POLR3G: variants seen among roughly 807,000 people sequenced by gnomAD.
POLR3G encodes DNA-directed RNA polymerase III subunit RPC7.
POLR3G carries 28 observed loss-of-function variants against 30.1 expected under a neutral mutation model. The ratio of observed to expected loss-of-function variants is 0.93; its 90% CI spans 0.69 to 1.27. The LOEUF (loss-of-function observed/expected upper bound fraction) is 1.27, where lower values mean the gene tolerates loss of function less well. POLR3G is among the 50% of genes most tolerant of loss of function. The probability of loss-of-function intolerance (pLI) is 0.00; values close to 1 mark genes in which losing one functional copy is unlikely to be tolerated. For synonymous variants in POLR3G, 79 were observed against 82.5 expected (o/e 0.96, Z 0.23); for missense variants, 254 against 264.6 (o/e 0.96, Z 0.28).
chr5:90,512,235 G>C lies in POLR3G; in HGVS notation c.*96G>C. ...TATTTCTGATAAGGAATAAGTACTTGTTTCTGTTGTTTTGGACAAATAGTT... is the reference window on the plus strand; with the variant it reads ...TATTTCTGATAAGGAATAAGTACTTCTTTCTGTTGTTTTGGACAAATAGTT... On this transcript the variant is annotated 3_prime_UTR_variant, in exon 8 of 8. Transcript: ENST00000651687. 1 of 792,090 alleles carries C rather than the reference G, an allele frequency of 1.3e-6. No homozygotes were observed. Among genetic ancestry groups the C allele is most frequent in the Non-Finnish European group, 2.1e-6 (1 of 477,408 alleles). The allele number at this position is 792,090 out of a possible 1,614,324, so 49.1% of individuals were successfully genotyped here.
intron 1 of POLR3G, among the ~76,000 whole-genome samples, chr5:90,475,988 G>C (rs1188546385): frequency 6.6e-6 from 1 of 152,186 alleles, no homozygotes; most frequent in East Asian, 1.9e-4. Context: ...TGGGATTACA[G>C]GCGTGAGCCA....
intron 6 of POLR3G, 94 bp from the exon 7 acceptor site, chr5:90,506,434 A>G (rs960040119): frequency 6.8e-7 from 1 of 1,465,390 alleles, no homozygotes; most frequent in African/African-American, 1.4e-5. Flanking sequence ...ATGGGAGTAG[A>G]ATAAGGTGAT....
intron 6 of POLR3G, among the ~76,000 whole-genome samples, chr5:90,504,433 G>T (rs1752394311): frequency 6.6e-6 from 1 of 151,898 alleles, no homozygotes; most frequent in Admixed American, 6.6e-5. Flanking sequence ...GTGGTAGCAG[G>T]CGCCTGTAGT....
intron 7 of POLR3G, among the ~76,000 whole-genome samples, 198 bp from the exon 8 acceptor site, chr5:90,511,855 C>A (rs1752751959): frequency 6.6e-6 from 1 of 152,004 alleles, no homozygotes; most frequent in African/African-American, 2.4e-5. Context: ...TATGGGCAAC[C>A]CTTCATGTTC....
At chr5:90,496,050 C>T (rs768262034) in intron 4 of POLR3G, among the ~76,000 whole-genome samples, 1 of 152,018 alleles carries the variant, frequency 6.6e-6, no homozygotes, top group East Asian at 1.9e-4. Flanking sequence ...CGGCTCATTG[C>T]AAGCTCCACC....
chr5:90,480,271 C>T (rs958145754), intron 1 of POLR3G, among the ~76,000 whole-genome samples: 1 of 152,174 alleles, frequency 6.6e-6, no homozygotes, highest in African/African-American at 2.4e-5. Flanking sequence ...CTGTTTCTTT[C>T]ATGATACATT....
At chr5:90,504,298 C>A (rs891168030) in intron 6 of POLR3G, among the ~76,000 whole-genome samples, 1 of 152,110 alleles carries the variant, frequency 6.6e-6, no homozygotes. Flanking sequence ...CCGTGGCTCA[C>A]GCCTGTAATC....
intron 7 of POLR3G, among the ~76,000 whole-genome samples, chr5:90,510,098 G>A (rs899210458): frequency 2.6e-5 from 4 of 152,166 alleles, no homozygotes; most frequent in African/African-American, 9.7e-5. Flanking sequence ...GTTCTAGTTT[G>A]TGTGGTCAAT....
rs149561731 is a variant in POLR3G at position 90,498,145 on chromosome 5, C to G, written c.355+439C>G. On this transcript the variant is annotated intron_variant, in intron 5 of 7. Transcript: ENST00000651687. The stretch of plus-strand genomic sequence containing the variant: ...ACACTGACTCTCTCCCTCTCTCTGT[C>G]CCCCCATGTATGTGTGTGTGTGTGT... Among the ~76,000 whole-genome samples, 18 of 152,018 alleles carry G rather than the reference C, an allele frequency of 1.2e-4. No individual in the cohort carries two copies. The East Asian group carries it at 3.1e-3, about 26-fold the overall frequency.
chr5:90,502,145 C>T, intron 6 of POLR3G, 157 bp downstream of exon 6: 1 of 985,358 alleles, frequency 1.0e-6, no homozygotes, highest in Non-Finnish European at 1.2e-6. Flanking sequence ...AAGGTTTGAA[C>T]TTTGCAGGCT....
chr5:90,494,912 A>G (rs2151908731), intron 3 of POLR3G, among the ~76,000 whole-genome samples: 1 of 152,300 alleles, frequency 6.6e-6, no homozygotes, highest in East Asian at 1.9e-4. Flanking sequence ...AATTATTTAA[A>G]ATATGGAAAC....
At chr5:90,485,327 A>G (rs1217524134) in intron 1 of POLR3G, among the ~76,000 whole-genome samples, 198 bp from the exon 2 acceptor site, 1 of 152,202 alleles carries the variant, frequency 6.6e-6, no homozygotes, top group Non-Finnish European at 1.5e-5. Context: ...GGTTGAAGCC[A>G]TCATTATCTT....
chr5:90,496,116 C>T (rs1417944652), intron 4 of POLR3G, among the ~76,000 whole-genome samples: 3 of 151,870 alleles, frequency 2.0e-5, no homozygotes, highest in Non-Finnish European at 2.9e-5. Context: ...GGACTACAGG[C>T]CCCCGCCACC....
chr5:90,505,515 T>TTGTG (rs1372991303), intron 6 of POLR3G, among the ~76,000 whole-genome samples: 1 of 152,234 alleles, frequency 6.6e-6, no homozygotes, highest in African/African-American at 2.4e-5. Flanking sequence ...TACTATTCCC[T>TTGTG]GATGGTTCCA....
upstream of POLR3G, chr5:90,474,107 G>A (rs1203817432): frequency 6.3e-7 from 1 of 1,577,354 alleles, no homozygotes; most frequent in Non-Finnish European, 8.6e-7. Flanking sequence ...GGTCCTGCAA[G>A]AGGCCGGAGG....
chr5:90,506,106 G>A (rs566974426), intron 6 of POLR3G, among the ~76,000 whole-genome samples: 1 of 152,168 alleles, frequency 6.6e-6, no homozygotes, highest in South Asian at 2.1e-4. Flanking sequence ...GTATGCACCT[G>A]TAGTCCCAGC....
chr5:90,485,661 T>A lies in POLR3G; in HGVS notation c.94T>A (p.Leu32Met). Residue 32 changes from leucine to methionine, a missense_variant, in exon 2 of 8, where the codon TTG (leucine) becomes ATG (methionine). Physicochemically the swap from Leu to Met is conservative, Grantham distance 15 (BLOSUM62 2). Coordinates refer to ENST00000651687, the MANE Select transcript of POLR3G (RefSeq NM_006467.3). ...SKGEKLPDVV[L>M]KPPPLFPDTD... ...AGGTGAAAAGTTACCTGATGTAGTG[T>A]TGAAACCACCCCCACTATTTCCTGT... is the stretch of plus-strand genomic sequence containing the variant. 1 of 1,613,434 alleles carries A rather than the reference T, an allele frequency of 6.2e-7. No individual in the cohort carries two copies. The highest frequency in any genetic ancestry group is 2.2e-5 in the East Asian group (1 of 44,854).
intron 5 of POLR3G, among the ~76,000 whole-genome samples, chr5:90,499,306 A>G (rs1752130489): frequency 6.6e-6 from 1 of 152,174 alleles, no homozygotes; most frequent in African/African-American, 2.4e-5. Context: ...GGAACTGGAA[A>G]GAGAGAGGGA....
chr5:90,483,410 C>T (rs1751248722), intron 1 of POLR3G, among the ~76,000 whole-genome samples: 1 of 152,094 alleles, frequency 6.6e-6, no homozygotes, highest in Non-Finnish European at 1.5e-5. Context: ...GAGTAATTCA[C>T]AGAAAACAGG....
Sources: gnomAD v4.1 joint callset for allele counts (sites outside exome capture counted in the v4.1 genomes callset) on GRCh38, gnomAD v4.1.1 for gene constraint, MANE v1.5 for transcripts, NCBI Gene and HGNC (gene_info 2026-07-23, HGNC 2026-07-21) for gene names.